ZRANB3: variants seen among roughly 807,000 people sequenced by gnomAD.
The protein encoded by ZRANB3 is DNA annealing helicase and endonuclease ZRANB3.
Under a neutral mutation model 133.8 loss-of-function variants are expected in ZRANB3, and 125 were observed. That is an observed-to-expected ratio of 0.93 (90% CI 0.81 to 1.08). ZRANB3 has a LOEUF of 1.08. Among genes scored for constraint, ZRANB3 ranks in the 50% least tolerant of loss-of-function variants. The probability of loss-of-function intolerance (pLI) is 0.00; values close to 1 mark genes in which losing one functional copy is unlikely to be tolerated. For synonymous variants in ZRANB3, 387 were observed against 432.7 expected, an observed-to-expected ratio of 0.89 and a Z score of 1.31; for missense variants, 1,229 against 1,275.5, an observed-to-expected ratio of 0.96 and a Z score of 0.56.
intron 6 of ZRANB3, among the ~76,000 whole-genome samples, chr2:135,325,795 C>T (rs749884814): frequency 9.2e-5 from 14 of 152,302 alleles, no homozygotes; most frequent in Non-Finnish European, 1.3e-4. Flanking sequence ...CAGCTGCTAA[C>T]ATCATAAAAA....
Position 135,451,192 on chromosome 2 carries a change from A to C in ZRANB3, c.161+53137T>G, listed in dbSNP as rs1012828987. 3.9e-5 allele frequency among the ~76,000 whole-genome samples: 6 copies of C among 152,326 alleles called. 1 individual carries two copies. In the South Asian group the frequency reaches 1.2e-3, roughly 32 times the overall value. On this transcript the variant is annotated intron_variant, in intron 2 of 20. Transcript: ENST00000264159. The stretch of plus-strand genomic sequence containing the variant: ...AGTAAACTAGCTATGTCCTAGAATA[A>C]AGCTCAACAATATTCCTATGAATAT...
chr2:135,360,565 C>A (rs564995601), intron 3 of ZRANB3, among the ~76,000 whole-genome samples: 2 of 151,300 alleles, frequency 1.3e-5, no homozygotes, highest in Non-Finnish European at 2.9e-5. Context: ...ATTAGCCAAG[C>A]GTGGTGGTGA....
chr2:135,346,396 A>G (rs938035416), intron 5 of ZRANB3, among the ~76,000 whole-genome samples: 1 of 152,176 alleles, frequency 6.6e-6, no homozygotes, highest in African/African-American at 2.4e-5. Flanking sequence ...CACCACGCCC[A>G]GCCTATTTCT....
At chr2:135,304,762 A>G (rs1682594406) in intron 8 of ZRANB3, among the ~76,000 whole-genome samples, 2 of 152,168 alleles carry the variant, frequency 1.3e-5, no homozygotes, top group Admixed American at 1.3e-4. Context: ...GTCAGCTGTG[A>G]TATTTATGGA....
At chr2:135,247,766 T>C (rs1411724931) in intron 12 of ZRANB3, among the ~76,000 whole-genome samples, 1 of 151,844 alleles carries the variant, frequency 6.6e-6, no homozygotes, top group Non-Finnish European at 1.5e-5. Flanking sequence ...GGAAAGGAGG[T>C]CCTGAGGGGA....
intron 1 of ZRANB3, among the ~76,000 whole-genome samples, chr2:135,507,458 G>C (rs564709910): frequency 6.6e-6 from 1 of 152,274 alleles, no homozygotes; most frequent in South Asian, 2.1e-4. Flanking sequence ...CAAAGGAGCA[G>C]AGATTAAGTA....
chr2:135,419,713 T>A (rs989358436), intron 2 of ZRANB3, among the ~76,000 whole-genome samples: 1 of 146,890 alleles, frequency 6.8e-6, no homozygotes, highest in Non-Finnish European at 1.5e-5. Flanking sequence ...TTTTTTTTTT[T>A]CCTTAAATAA....
intron 8 of ZRANB3, among the ~76,000 whole-genome samples, chr2:135,306,748 C>G (rs1326011197): frequency 2.0e-5 from 3 of 152,086 alleles, no homozygotes; most frequent in African/African-American, 7.2e-5. Context: ...ACCACTACAC[C>G]TGGCTAATTT....
intron 2 of ZRANB3, among the ~76,000 whole-genome samples, chr2:135,474,287 T>A (rs566279508): frequency 6.6e-6 from 1 of 152,140 alleles, no homozygotes; most frequent in Non-Finnish European, 1.5e-5. Context: ...TATAAATTCA[T>A]TGGATTCTGC....
intron 12 of ZRANB3, among the ~76,000 whole-genome samples, chr2:135,242,186 AAAAG>A (rs1695582412): frequency 6.6e-6 from 1 of 152,110 alleles, no homozygotes; most frequent in Non-Finnish European, 1.5e-5. Flanking sequence ...TCCAAAAAAA[AAAAG>A]AGAGAGACAA....
chr2:135,207,591 C>G lies in ZRANB3; in HGVS notation c.2852G>C (p.Ser951Thr). Residue 951 changes from serine to threonine, a missense_variant, in exon 19 of 21, where the codon AGT becomes ACT. Transcript: ENST00000264159. ...TTCAAATACTTTGGCTCTCAGGTAA[C>G]TGTTATTAGATCGAATCCAAAACTC... ...QEEFWIRSNN[S>T]YLRAKVFETE... 1 of 1,614,024 alleles carries G rather than the reference C, an allele frequency of 6.2e-7. No individual in the cohort carries two copies. The highest frequency in any genetic ancestry group is 2.2e-5 in the East Asian group (1 of 44,888).
intron 2 of ZRANB3, among the ~76,000 whole-genome samples, chr2:135,403,242 G>C (rs1687826912): frequency 6.6e-6 from 1 of 152,122 alleles, no homozygotes; most frequent in Non-Finnish European, 1.5e-5. Context: ...GGAACATCAG[G>C]TCCCTCCCAC....
intron 8 of ZRANB3, among the ~76,000 whole-genome samples, chr2:135,294,628 C>A (rs1444498277): frequency 6.6e-6 from 1 of 151,970 alleles, no homozygotes; most frequent in East Asian, 1.9e-4. Context: ...TTATTTCTTG[C>A]CTTCTGCTAG....
At chr2:135,510,496 C>G (rs1478712365) in intron 1 of ZRANB3, 12 of 558,006 alleles carry the variant, frequency 2.2e-5, no homozygotes, top group Non-Finnish European at 3.9e-5. Flanking sequence ...AGAAATTCAC[C>G]ATTCTGTAGG....
chr2:135,290,587 T>C (rs1162240620), intron 8 of ZRANB3, among the ~76,000 whole-genome samples: 1 of 152,236 alleles, frequency 6.6e-6, no homozygotes, highest in Non-Finnish European at 1.5e-5. Context: ...ATTTAGGCCA[T>C]TTACAGTCAA....
At chr2:135,498,232 T>C (rs1244994871) in intron 2 of ZRANB3, among the ~76,000 whole-genome samples, 2 of 152,192 alleles carry the variant, frequency 1.3e-5, no homozygotes, top group African/African-American at 4.8e-5. Flanking sequence ...CTTTGTAGTA[T>C]GTTGCGGGAA....
At chr2:135,355,649 G>A (rs969561102) in intron 3 of ZRANB3, among the ~76,000 whole-genome samples, 2 of 151,988 alleles carry the variant, frequency 1.3e-5, no homozygotes, top group Non-Finnish European at 1.5e-5. Flanking sequence ...GAGCCACCGC[G>A]CCCGGCCAAC....
At chr2:135,460,983 C>T (rs1014888867) in intron 2 of ZRANB3, among the ~76,000 whole-genome samples, 2 of 152,068 alleles carry the variant, frequency 1.3e-5, no homozygotes, top group Non-Finnish European at 2.9e-5. Flanking sequence ...ATATTAGTAA[C>T]TTTTTAGTAA....
chr2:135,407,554 A>G (rs57455766), intron 2 of ZRANB3, among the ~76,000 whole-genome samples: 6,081 of 140,036 alleles, frequency 0.043, 524 homozygotes, highest in African/African-American at 0.19. Flanking sequence ...GAGGCATCAC[A>G]CTACCTGACT....
Sources: allele counts gnomAD v4.1 joint callset (sites outside exome capture counted in the v4.1 genomes callset), GRCh38; gene constraint gnomAD v4.1.1; transcripts MANE v1.5; gene names NCBI Gene and HGNC (gene_info 2026-07-23, HGNC 2026-07-21).